The following ERC1 variants were observed in gnomAD, a reference collection of about 807,000 sequenced individuals.
ERC1 encodes the protein ELKS/RAB6-interacting/CAST family member 1, also known as RAB6 interacting protein 2.
In ERC1, 56 loss-of-function variants were observed where a neutral mutation model predicts 132.0. The ratio of observed to expected loss-of-function variants is 0.42; its 90% CI spans 0.34 to 0.53. The LOEUF (loss-of-function observed/expected upper bound fraction) is 0.53. Ranked by LOEUF, ERC1 falls within the 20% of genes least tolerant of loss-of-function variation. ERC1 has a pLI of 0.03. For missense variants in ERC1, 1,202 were observed against 1,349.9 expected (o/e 0.89, Z 1.72); for synonymous variants, 478 against 476.1 (o/e 1.00, Z -0.05).
intron 14 of ERC1, among the ~76,000 whole-genome samples, chr12:1,267,150 A>G (rs1040233615): frequency 5.3e-5 from 8 of 152,242 alleles, no homozygotes; most frequent in African/African-American, 1.9e-4. Flanking sequence ...TAATGACCTA[A>G]TGAAGGAAGG....
At chr12:1,030,774 T>C (rs1158085302) in intron 2 of ERC1, among the ~76,000 whole-genome samples, 1 of 152,192 alleles carries the variant, frequency 6.6e-6, no homozygotes, top group Non-Finnish European at 1.5e-5. Flanking sequence ...GTATCTTTTC[T>C]ATGCTTAGAT....
rs979524269 is a variant in ERC1, at chr12:1,493,059, G to A, written c.*2829G>A. On this transcript the variant is annotated 3_prime_UTR_variant, in exon 19 of 19. Transcript: ENST00000360905. ...ACCAATGTCACCATAAAGAGGGCAC[G>A]AAGAAGAGTGGGTGTGATCCCAACG... The A allele has an allele frequency of 6.3e-5, 14 of 222,918 alleles. No individual in the cohort carries two copies. Among genetic ancestry groups the A allele is most frequent in the Middle Eastern group, 2.7e-3 (2 of 744 alleles). 13.8% of individuals were successfully genotyped at this position (222,918 alleles called of 1,614,324 possible). A position where few individuals can be genotyped will look rare whatever the true frequency, so the allele number is the denominator to read the frequency against.
chr12:1,408,670 A>G (rs1320786220), intron 17 of ERC1, among the ~76,000 whole-genome samples: 1 of 152,216 alleles, frequency 6.6e-6, no homozygotes, highest in Admixed American at 6.5e-5. Flanking sequence ...TTAGTTGCAA[A>G]TTATGAACTC....
At chr12:1,398,017 ACTCT>A (rs918297446) in intron 16 of ERC1, among the ~76,000 whole-genome samples, 3 of 152,028 alleles carry the variant, frequency 2.0e-5, no homozygotes, top group African/African-American at 7.2e-5. Flanking sequence ...TAGTGGTCTC[ACTCT>A]CTCCCAGGCT....
chr12:1,112,336 TC>T, intron 6 of ERC1, 38 bp downstream of exon 6: 1 of 1,451,304 alleles, frequency 6.9e-7, no homozygotes, highest in Non-Finnish European at 9.7e-7. Context: ...TGTGCAGTGG[TC>T]CCACAGTGGG....
chr12:1,093,390 G>GT (rs1943501678), intron 3 of ERC1, among the ~76,000 whole-genome samples: 1 of 152,166 alleles, frequency 6.6e-6, no homozygotes, highest in Non-Finnish European at 1.5e-5. Context: ...GCAAGACTTG[G>GT]TTAGTGCTGA....
chr12:1,319,493 C>G (rs1404424199), intron 15 of ERC1, among the ~76,000 whole-genome samples: 1 of 152,122 alleles, frequency 6.6e-6, no homozygotes, highest in African/African-American at 2.4e-5. Context: ...ACTAAGCTCT[C>G]TGTATATGCA....
At chr12:1,410,406 A>G (rs1203671207) in intron 17 of ERC1, 1 of 1,325,548 alleles carries the variant, frequency 7.5e-7, no homozygotes, top group Admixed American at 2.1e-5. Flanking sequence ...AGGAGGGTAT[A>G]TGGGCATAGC....
In ERC1 at chr12:998,853, CT is replaced by C. The variant is rs527367596; in HGVS notation, c.-157+7555del. Among the ~76,000 whole-genome samples the C allele has an allele frequency of 9.0e-3, 925 of 102,480 alleles. 5 individuals carry two copies. The highest frequency in any genetic ancestry group is 0.021 in the African/African-American group (540 of 25,414). 67.2% of individuals were successfully genotyped at this position (102,480 alleles called of 152,430 possible). Reference sequence around the variant, plus strand: ...GGTTCTCTGGGCTCTTTCTCTGTCACTTTTTTTTTTTTTTTTTTTTTTTTGA... The same window carrying C: ...GGTTCTCTGGGCTCTTTCTCTGTCACTTTTTTTTTTTTTTTTTTTTTTTGA... On this transcript the variant is annotated intron_variant, in intron 1 of 18. Coordinates refer to ENST00000360905, the MANE Select transcript of ERC1 (RefSeq NM_178040.4).
intron 18 of ERC1, among the ~76,000 whole-genome samples, chr12:1,486,383 G>A (rs888721338): frequency 9.9e-5 from 15 of 151,394 alleles, no homozygotes; most frequent in African/African-American, 3.2e-4. Context: ...CTTTATTTTC[G>A]AAAGTTTTTA....
At chr12:1,043,153 C>T (rs1329897544) in intron 2 of ERC1, among the ~76,000 whole-genome samples, 2 of 151,610 alleles carry the variant, frequency 1.3e-5, no homozygotes, top group East Asian at 3.9e-4. Context: ...AAGCGATTCT[C>T]CTACCTCAGT....
At chr12:1,385,984 G>GTC (rs1271840229) in intron 16 of ERC1, 1 of 148,856 alleles carries the variant, frequency 6.7e-6, no homozygotes, top group Non-Finnish European at 1.5e-5. Context: ...TACTCTCCTT[G>GTC]TCAGAGATCA....
chr12:1,181,032 T>G lies in ERC1; in HGVS notation c.1875+355T>G, dbSNP rs544958916. On this transcript the variant is annotated intron_variant, in intron 9 of 18. Coordinates refer to ENST00000360905, the MANE Select transcript of ERC1 (RefSeq NM_178040.4). ...TTTGCCATGTTGGCCAGACTGGTTTTGAACTCCTGACCTCAAGTGATCCAC... is the reference window on the plus strand; with the variant it reads ...TTTGCCATGTTGGCCAGACTGGTTTGGAACTCCTGACCTCAAGTGATCCAC... Among the ~76,000 whole-genome samples the G allele has an allele frequency of 4.5e-3, 691 of 151,988 alleles. 3 individuals are homozygous for G. Among genetic ancestry groups the G allele is most frequent in the Non-Finnish European group, 7.1e-3 (481 of 68,000 alleles).
At chr12:1,127,478 GATAGAT>G (rs554571327) in intron 7 of ERC1, among the ~76,000 whole-genome samples, 20 of 151,954 alleles carry the variant, frequency 1.3e-4, no homozygotes, top group Admixed American at 2.6e-4. Context: ...CAGAAGCAGG[GATAGAT>G]ATAAGTACTA....
intron 15 of ERC1, among the ~76,000 whole-genome samples, chr12:1,367,816 T>C (rs1352665955): frequency 1.3e-5 from 2 of 152,092 alleles, no homozygotes; most frequent in East Asian, 1.9e-4. Context: ...GCACCAGGGA[T>C]AGAGTGAATA....
intron 3 of ERC1, among the ~76,000 whole-genome samples, chr12:1,085,052 T>C (rs1479493673): frequency 8.2e-5 from 5 of 60,972 alleles, no homozygotes; most frequent in Admixed American, 1.7e-4. Flanking sequence ...TTACAGGCAA[T>C]ATGCCTATGC....
intron 15 of ERC1, among the ~76,000 whole-genome samples, chr12:1,341,193 A>C (rs1393638978): frequency 1.8e-5 from 2 of 112,844 alleles, no homozygotes; most frequent in African/African-American, 2.8e-5. Context: ...TCCTGGGTTC[A>C]AGCAGTTCTC....
intron 18 of ERC1, among the ~76,000 whole-genome samples, chr12:1,486,746 A>T (rs1236060032): frequency 7.1e-6 from 1 of 140,174 alleles, no homozygotes; most frequent in Non-Finnish European, 1.5e-5. Flanking sequence ...CCCGGCTGTG[A>T]AGCACTTTTT....
intron 15 of ERC1, among the ~76,000 whole-genome samples, chr12:1,306,768 C>A (rs1418292071): frequency 1.3e-5 from 2 of 151,908 alleles, no homozygotes; most frequent in Non-Finnish European, 2.9e-5. Flanking sequence ...CAGGCCCAGA[C>A]AGTTTTTTGA....
Sources: gnomAD v4.1 joint callset for allele counts (sites outside exome capture counted in the v4.1 genomes callset) on GRCh38, gnomAD v4.1.1 for gene constraint, MANE v1.5 for transcripts, NCBI Gene and HGNC (gene_info 2026-07-23, HGNC 2026-07-21) for gene names.